Variants in EYA3 observed in about 807,000 individuals in gnomAD.
The protein encoded by EYA3 is EYA transcriptional coactivator and phosphatase 3, also known as protein phosphatase EYA3.
EYA3 carries 39 observed loss-of-function variants against 80.0 expected under a neutral mutation model. The observed-to-expected ratio is 0.49, with a 90% CI of 0.38 to 0.64. The LOEUF is 0.64. EYA3 is among the 30% of genes least tolerant of loss of function. EYA3 has a pLI of 0.00. For missense variants in EYA3, 523 were observed against 676.1 expected (o/e 0.77, Z 2.51); for synonymous variants, 206 against 232.8 (o/e 0.88, Z 1.05).
At chr1:28,034,154 T>G (rs1428123969) in intron 6 of EYA3, among the ~76,000 whole-genome samples, 2 of 152,022 alleles carry the variant, frequency 1.3e-5, no homozygotes, top group Non-Finnish European at 2.9e-5. Flanking sequence ...CTAGGATCCA[T>G]ATGCACACAG....
chr1:28,004,318 A>T lies in EYA3; in HGVS notation c.993+18T>A. The T allele has an allele frequency of 6.4e-7, 1 of 1,570,550 alleles. No individual in the cohort carries two copies. The highest frequency in any genetic ancestry group is 8.7e-7 in the Non-Finnish European group (1 of 1,143,656). ...TAGTCAGAAGAGGGACAGTTACAACAAAGAAGACTCAAATTACCTTTCCAT... is the reference window on the plus strand; with the variant it reads ...TAGTCAGAAGAGGGACAGTTACAACTAAGAAGACTCAAATTACCTTTCCAT... On this transcript the variant is annotated intron_variant, in intron 11 of 17. Coordinates refer to ENST00000373871, the MANE Select transcript of EYA3 (RefSeq NM_001990.4).
intron 7 of EYA3, among the ~76,000 whole-genome samples, chr1:28,024,255 GCAAA>G (rs901324180): frequency 6.8e-6 from 1 of 147,778 alleles, no homozygotes; most frequent in African/African-American, 2.5e-5. Flanking sequence ...CAACAAACAA[GCAAA>G]CAAACAAAAA....
chr1:28,087,965 CA>C (rs1645726641), intron 1 of EYA3, among the ~76,000 whole-genome samples: 1 of 152,166 alleles, frequency 6.6e-6, no homozygotes, highest in Non-Finnish European at 1.5e-5. Context: ...GGGGCTTTGG[CA>C]AAGCTCTCCT....
rs1332182941 is a variant in EYA3 at position 27,970,359 on chromosome 1, C to CT, written c.*4106dup. 1.3e-5 allele frequency: 2 copies of CT among 152,118 alleles called. No individual in the cohort carries two copies. Among genetic ancestry groups the CT allele is most frequent in the African/African-American group, 4.8e-5 (2 of 41,406 alleles). The allele number at this position is 152,118 out of a possible 1,614,324, so 9.4% of individuals were successfully genotyped here. ...AGGAGCAAACTATAGAAAATAAAAA[C>CT]TTTATTTTTTTCAAGTTTATAAGAT... On this transcript the variant is annotated 3_prime_UTR_variant, in exon 18 of 18. Transcript: ENST00000373871.
At chr1:28,056,805 T>A (rs1456682300) in intron 2 of EYA3, among the ~76,000 whole-genome samples, 14 of 152,220 alleles carry the variant, frequency 9.2e-5, no homozygotes. Flanking sequence ...TTCAACAGTA[T>A]GTCAACACTT....
At chr1:28,068,678 G>A (rs996023291) in intron 1 of EYA3, among the ~76,000 whole-genome samples, 4 of 151,672 alleles carry the variant, frequency 2.6e-5, no homozygotes, top group African/African-American at 7.3e-5. Flanking sequence ...TTTATGCTAC[G>A]TATTAACTCC....
chr1:28,074,301 A>G (rs1645129261), intron 1 of EYA3, among the ~76,000 whole-genome samples: 1 of 152,222 alleles, frequency 6.6e-6, no homozygotes, highest in South Asian at 2.1e-4. Context: ...ACATACAATT[A>G]TTCAGAAGCA....
At chr1:28,055,725 C>G (rs1005024167) in intron 2 of EYA3, among the ~76,000 whole-genome samples, 1 of 152,120 alleles carries the variant, frequency 6.6e-6, no homozygotes, top group African/African-American at 2.4e-5. Flanking sequence ...CCCACCTCCA[C>G]CACCCAAAGT....
chr1:28,029,424 C>A (rs762405163), intron 6 of EYA3, among the ~76,000 whole-genome samples: 3 of 152,126 alleles, frequency 2.0e-5, no homozygotes, highest in Non-Finnish European at 4.4e-5. Context: ...CACTTCTTGA[C>A]TTCCTTAGCA....
intron 17 of EYA3, among the ~76,000 whole-genome samples, chr1:27,976,804 G>A (rs569149397): frequency 3.3e-5 from 5 of 152,168 alleles, no homozygotes; most frequent in South Asian, 4.2e-4. Context: ...TGCAACCTCC[G>A]CCTTCAGGGT....
intron 1 of EYA3, among the ~76,000 whole-genome samples, chr1:28,073,253 C>A (rs1645092819): frequency 7.0e-6 from 1 of 143,572 alleles, no homozygotes. Context: ...CTGCCTCAGC[C>A]TCCCAAGTAG....
intron 4 of EYA3, 120 bp from the exon 5 acceptor site, chr1:28,039,025 C>T: frequency 1.9e-6 from 1 of 536,850 alleles, no homozygotes. Context: ...GCTTGGACAC[C>T]AGATAGAAAG....
chr1:28,000,390 G>GC (rs1264162338), intron 11 of EYA3, among the ~76,000 whole-genome samples: 5 of 151,712 alleles, frequency 3.3e-5, no homozygotes, highest in Non-Finnish European at 7.4e-5. Flanking sequence ...TTGGCTCACT[G>GC]CAAGTTCTGC....
intron 1 of EYA3, among the ~76,000 whole-genome samples, chr1:28,061,786 A>G (rs566608962): frequency 2.0e-5 from 3 of 152,148 alleles, no homozygotes; most frequent in Non-Finnish European, 4.4e-5. Context: ...TTTTTAGTAG[A>G]GACGCGGTTT....
At chr1:28,084,070 G>A (rs949515618) in intron 1 of EYA3, among the ~76,000 whole-genome samples, 4 of 152,148 alleles carry the variant, frequency 2.6e-5, no homozygotes, top group Non-Finnish European at 5.9e-5. Flanking sequence ...ATTAAGCACT[G>A]ACTGCCTTGG....
chr1:28,010,054 G>GA (rs1641582435), intron 10 of EYA3, among the ~76,000 whole-genome samples: 1 of 151,968 alleles, frequency 6.6e-6, no homozygotes, highest in South Asian at 2.1e-4. Context: ...CCAAACCTCT[G>GA]AAAAAAGAGA....
chr1:28,008,125 C>T (rs868702718), intron 10 of EYA3, among the ~76,000 whole-genome samples: 15 of 152,004 alleles, frequency 9.9e-5, no homozygotes, highest in Non-Finnish European at 4.4e-5. Flanking sequence ...TTTTTACCTT[C>T]TTTTAGTATT....
intron 6 of EYA3, among the ~76,000 whole-genome samples, chr1:28,033,658 T>C: frequency 7.9e-6 from 1 of 126,254 alleles, no homozygotes; most frequent in Non-Finnish European, 1.7e-5. Flanking sequence ...ATTATTATTA[T>C]TATTATTATT....
At chr1:27,990,851 T>C (rs74919199) in intron 14 of EYA3, among the ~76,000 whole-genome samples, 1 of 136,528 alleles carries the variant, frequency 7.3e-6, no homozygotes, top group Admixed American at 7.2e-5. Context: ...GTGCCTGGCA[T>C]TTTTTTTTTT....
Sources: gnomAD v4.1 joint callset for allele counts (sites outside exome capture counted in the v4.1 genomes callset) on GRCh38, gnomAD v4.1.1 for gene constraint, MANE v1.5 for transcripts, NCBI Gene and HGNC (gene_info 2026-07-23, HGNC 2026-07-21) for gene names.